The following CHCHD3 variants were observed in gnomAD, a reference collection of about 807,000 sequenced individuals.
CHCHD3 encodes coiled-coil-helix-coiled-coil-helix domain containing 3, also known as MICOS complex subunit MIC19.
CHCHD3 carries 20 observed loss-of-function variants against 38.2 expected under a neutral mutation model. The observed-to-expected ratio is 0.52, with a 90% CI of 0.37 to 0.76. CHCHD3 has a LOEUF of 0.76. Among genes scored for constraint, CHCHD3 ranks in the 30% least tolerant of loss-of-function variants. The pLI is 0.00. For missense variants in CHCHD3, 245 were observed against 279.2 expected, an observed-to-expected ratio of 0.88 and a Z score of 0.87; for synonymous variants, 82 against 100.0, an observed-to-expected ratio of 0.82 and a Z score of 1.07.
At chr7:132,939,955 C>T (rs186940509) in intron 4 of CHCHD3, among the ~76,000 whole-genome samples, 167 of 152,280 alleles carry the variant, frequency 1.1e-3, no homozygotes, top group African/African-American at 3.8e-3. Context: ...AAACACAGAG[C>T]TCCATAAATG....
intron 1 of CHCHD3, among the ~76,000 whole-genome samples, chr7:133,076,433 T>C (rs974683554): frequency 1.3e-5 from 2 of 152,126 alleles, no homozygotes; most frequent in African/African-American, 4.8e-5. Flanking sequence ...ACCATTCTAA[T>C]ATAAGGGGCA....
chr7:132,990,497 A>G (rs958075575), intron 3 of CHCHD3, among the ~76,000 whole-genome samples: 1 of 152,126 alleles, frequency 6.6e-6, no homozygotes, highest in Non-Finnish European at 1.5e-5. Flanking sequence ...ACAGATGACA[A>G]TGTGAAATGG....
At chr7:132,905,422 G>A (rs1809775451) in intron 4 of CHCHD3, among the ~76,000 whole-genome samples, 1 of 151,542 alleles carries the variant, frequency 6.6e-6, no homozygotes, top group Non-Finnish European at 1.5e-5. Context: ...CACATGGGGG[G>A]AAACAACACA....
chr7:132,851,738 T>G (rs968125040), intron 5 of CHCHD3, among the ~76,000 whole-genome samples: 1 of 152,224 alleles, frequency 6.6e-6, no homozygotes, highest in Non-Finnish European at 1.5e-5. Context: ...CTGTGTGATG[T>G]GACACAGTCA....
chr7:132,920,561 G>A (rs1474638126), intron 4 of CHCHD3, among the ~76,000 whole-genome samples: 2 of 152,028 alleles, frequency 1.3e-5, no homozygotes, highest in Non-Finnish European at 2.9e-5. Context: ...GTCTCAACTT[G>A]TTTTATTTAT....
chr7:132,927,106 T>C (rs1308277405), intron 4 of CHCHD3, among the ~76,000 whole-genome samples: 2 of 152,186 alleles, frequency 1.3e-5, no homozygotes, highest in East Asian at 1.9e-4. Flanking sequence ...TATAAACCCA[T>C]GCCCCCAGAT....
At chr7:132,970,824 T>C (rs368198132) in intron 4 of CHCHD3, among the ~76,000 whole-genome samples, 3 of 151,384 alleles carry the variant, frequency 2.0e-5, no homozygotes, top group East Asian at 3.9e-4. Flanking sequence ...TAACAAGAAA[T>C]ATGTGGCTGG....
chr7:133,011,982 T>A (rs763358686), intron 3 of CHCHD3, among the ~76,000 whole-genome samples: 1 of 152,140 alleles, frequency 6.6e-6, no homozygotes. Context: ...TGGAGTGCAA[T>A]GGCGCAATCT....
intron 2 of CHCHD3, among the ~76,000 whole-genome samples, chr7:133,068,873 T>C (rs915760011): frequency 6.6e-5 from 10 of 151,908 alleles, no homozygotes; most frequent in Admixed American, 5.2e-4. Context: ...AAAGGTTGAT[T>C]TGGGATATGT....
At chr7:132,933,924 G>A (rs963280275) in intron 4 of CHCHD3, among the ~76,000 whole-genome samples, 1 of 152,198 alleles carries the variant, frequency 6.6e-6, no homozygotes, top group African/African-American at 2.4e-5. Flanking sequence ...TCTGGGTTGT[G>A]GGTGGATGTC....
At chr7:132,938,020 A>G (rs1271727756) in intron 4 of CHCHD3, among the ~76,000 whole-genome samples, 1 of 152,208 alleles carries the variant, frequency 6.6e-6, no homozygotes, top group Non-Finnish European at 1.5e-5. Flanking sequence ...ATAATACATG[A>G]AGTGTTTCTA....
At chr7:132,942,364 G>A (rs1810789979) in intron 4 of CHCHD3, among the ~76,000 whole-genome samples, 1 of 152,054 alleles carries the variant, frequency 6.6e-6, no homozygotes, top group African/African-American at 2.4e-5. Context: ...TTCATAGTTA[G>A]TAAAAGTTGT....
At position 132,839,245 on chromosome 7, in the gene CHCHD3, C is replaced by T. The variant is rs182445904; in HGVS notation, c.454-776G>A. Among the ~76,000 whole-genome samples the T allele has an allele frequency of 1.4e-4, 21 of 151,882 alleles. No homozygotes were observed. The East Asian group carries it at 2.5e-3, about 18-fold the overall frequency. On this transcript the variant is annotated intron_variant, in intron 5 of 7. Coordinates refer to ENST00000262570, the MANE Select transcript of CHCHD3 (RefSeq NM_017812.4). Reference sequence around the variant, plus strand: ...AGCTTAAGTTGTTCTATCATTTCCACGTGACCACAAGAACAACAACATTTA... The same window carrying T: ...AGCTTAAGTTGTTCTATCATTTCCATGTGACCACAAGAACAACAACATTTA...
At chr7:132,978,911 T>C (rs1325995072) in intron 3 of CHCHD3, among the ~76,000 whole-genome samples, 1 of 152,188 alleles carries the variant, frequency 6.6e-6, no homozygotes, top group African/African-American at 2.4e-5. Flanking sequence ...TTCTCAAATG[T>C]TTTTAAAGGA....
intron 4 of CHCHD3, among the ~76,000 whole-genome samples, chr7:132,891,589 G>A (rs1809361529): frequency 6.6e-6 from 1 of 152,130 alleles, no homozygotes; most frequent in Non-Finnish European, 1.5e-5. Flanking sequence ...AGTTTCAAGA[G>A]CCCTGATCGA....
chr7:132,938,600 C>T lies in CHCHD3; in HGVS notation c.369+36569G>A, dbSNP rs144764177. Among the ~76,000 whole-genome samples, 113 of 152,286 alleles carry T rather than the reference C, an allele frequency of 7.4e-4. 2 individuals carry two copies. Among genetic ancestry groups the T allele is most frequent in the Middle Eastern group, 6.8e-3 (2 of 294 alleles). On this transcript the variant is annotated intron_variant, in intron 4 of 7. Coordinates refer to ENST00000262570, the MANE Select transcript of CHCHD3 (RefSeq NM_017812.4). ...ACATCACCCAGGTAAACTAACTACT[C>T]CTTATAATATTGTCTAAGGAAAAGT... is the stretch of plus-strand genomic sequence containing the variant.
chr7:132,842,255 G>A (rs1807959204), intron 5 of CHCHD3, among the ~76,000 whole-genome samples: 1 of 152,088 alleles, frequency 6.6e-6, no homozygotes, highest in South Asian at 2.1e-4. Context: ...TTGGCTAAGT[G>A]GGGATTTTAT....
intron 5 of CHCHD3, among the ~76,000 whole-genome samples, chr7:132,852,947 T>C (rs1808254575): frequency 6.6e-6 from 1 of 152,172 alleles, no homozygotes; most frequent in Admixed American, 6.5e-5. Context: ...TAAGAAAAAC[T>C]TTCCTGAAGA....
intron 4 of CHCHD3, among the ~76,000 whole-genome samples, chr7:132,886,689 C>G (rs200307379): frequency 8.1e-6 from 1 of 123,162 alleles, no homozygotes; most frequent in East Asian, 2.4e-4. Flanking sequence ...TATACACACA[C>G]ACTATATATA....
Sources: allele counts gnomAD v4.1 joint callset (sites outside exome capture counted in the v4.1 genomes callset), GRCh38; gene constraint gnomAD v4.1.1; transcripts MANE v1.5; gene names NCBI Gene and HGNC (gene_info 2026-07-23, HGNC 2026-07-21).